ZNF385D: variants seen among roughly 807,000 people sequenced by gnomAD.
The protein encoded by ZNF385D is zinc finger protein 385D.
Under a neutral mutation model 35.8 loss-of-function variants are expected in ZNF385D, and 15 were observed. The ratio of observed to expected loss-of-function variants is 0.42; its 90% CI spans 0.28 to 0.64. The LOEUF (loss-of-function observed/expected upper bound fraction) is 0.64. ZNF385D is among the 30% of genes least tolerant of loss of function. The pLI is 0.23. For missense variants in ZNF385D, 474 were observed against 494.6 expected, an observed-to-expected ratio of 0.96 and a Z score of 0.39; for synonymous variants, 212 against 186.8, an observed-to-expected ratio of 1.13 and a Z score of -1.10.
intron 3 of ZNF385D, among the ~76,000 whole-genome samples, chr3:21,516,940 C>T (rs534971682): frequency 3.3e-5 from 5 of 151,820 alleles, no homozygotes; most frequent in African/African-American, 1.2e-4. Flanking sequence ...AACATTTCAG[C>T]CAACTGAAAT....
intron 3 of ZNF385D, among the ~76,000 whole-genome samples, chr3:22,147,788 T>A (rs1262822280): frequency 6.6e-6 from 1 of 152,164 alleles, no homozygotes. Flanking sequence ...CTACTCATTG[T>A]CCCTAATTTT....
At chr3:21,575,264 C>T (rs1455577204) in intron 2 of ZNF385D, among the ~76,000 whole-genome samples, 6 of 152,244 alleles carry the variant, frequency 3.9e-5, no homozygotes, top group Admixed American at 3.3e-4. Flanking sequence ...AGACCCAGGT[C>T]TGTGCAGGGT....
chr3:21,527,878 C>T (rs1017143000), intron 3 of ZNF385D, among the ~76,000 whole-genome samples: 1 of 152,046 alleles, frequency 6.6e-6, no homozygotes, highest in African/African-American at 2.4e-5. Flanking sequence ...GCACTAAGAG[C>T]GTAAAGATAT....
intron 1 of ZNF385D, among the ~76,000 whole-genome samples, chr3:21,695,372 T>C (rs529589502): frequency 2.2e-4 from 34 of 152,314 alleles, no homozygotes; most frequent in Admixed American, 1.6e-3. Context: ...TGGATGGTAA[T>C]ACTCAAGGGA....
At chr3:21,867,534 T>C (rs1398305445) in intron 3 of ZNF385D, among the ~76,000 whole-genome samples, 4 of 152,178 alleles carry the variant, frequency 2.6e-5, no homozygotes, top group Non-Finnish European at 2.9e-5. Context: ...CATCTGTCTC[T>C]GTCAAGATTG....
At chr3:21,845,164 T>C (rs1164729036) in intron 3 of ZNF385D, among the ~76,000 whole-genome samples, 1 of 152,006 alleles carries the variant, frequency 6.6e-6, no homozygotes, top group Non-Finnish European at 1.5e-5. Context: ...CTTCTACGAA[T>C]GCCAGATTAT....
chr3:21,441,913 G>C (rs1022257546), intron 4 of ZNF385D, among the ~76,000 whole-genome samples: 1 of 152,056 alleles, frequency 6.6e-6, no homozygotes. Flanking sequence ...AGATGGTTTG[G>C]GCTTGCATTT....
At chr3:22,023,755 A>G (rs535214827) in intron 3 of ZNF385D, among the ~76,000 whole-genome samples, 43 of 152,216 alleles carry the variant, frequency 2.8e-4, no homozygotes, top group African/African-American at 1.0e-3. Flanking sequence ...AGTCATGTAG[A>G]TCCTATATTG....
chr3:21,777,927 A>G (rs2071350478), intron 3 of ZNF385D, among the ~76,000 whole-genome samples: 1 of 151,850 alleles, frequency 6.6e-6, no homozygotes, highest in Admixed American at 6.6e-5. Flanking sequence ...AAGAAGCGGA[A>G]TTGTCCAGCT....
chr3:21,570,084 C>G (rs1240463060), intron 2 of ZNF385D, among the ~76,000 whole-genome samples: 1 of 149,616 alleles, frequency 6.7e-6, no homozygotes, highest in Non-Finnish European at 1.5e-5. Context: ...AAAATTACAC[C>G]TTAAAAAAAA....
At chr3:21,686,117 A>C (rs1203936748) in intron 1 of ZNF385D, among the ~76,000 whole-genome samples, 1 of 152,170 alleles carries the variant, frequency 6.6e-6, no homozygotes, top group Non-Finnish European at 1.5e-5. Context: ...GAGAAAAAAG[A>C]AATAGCACAG....
chr3:21,828,123 G>A (rs759711841), intron 3 of ZNF385D, among the ~76,000 whole-genome samples: 27 of 152,116 alleles, frequency 1.8e-4, no homozygotes, highest in Non-Finnish European at 3.5e-4. Context: ...TTAACAAAAT[G>A]TATTTTATGG....
chr3:21,868,272 T>A (rs1457746916), intron 3 of ZNF385D, among the ~76,000 whole-genome samples: 1 of 150,630 alleles, frequency 6.6e-6, no homozygotes, highest in African/African-American at 2.5e-5. Flanking sequence ...GGCTGTGTAC[T>A]AATAAACATA....
intron 3 of ZNF385D, among the ~76,000 whole-genome samples, chr3:22,101,753 T>G (rs539265703): frequency 8.5e-5 from 13 of 152,126 alleles, no homozygotes; most frequent in Admixed American, 4.6e-4. Flanking sequence ...TGCCCATAAA[T>G]TGAAGACCCA....
At chr3:22,332,584 G>A (rs576832987) in intron 2 of ZNF385D, among the ~76,000 whole-genome samples, 1 of 151,440 alleles carries the variant, frequency 6.6e-6, no homozygotes, top group African/African-American at 2.4e-5. Context: ...TGGATAGCAA[G>A]GAAACAAAAA....
intron 3 of ZNF385D, among the ~76,000 whole-genome samples, chr3:21,967,795 G>T (rs974842958): frequency 6.6e-6 from 1 of 152,194 alleles, no homozygotes; most frequent in Non-Finnish European, 1.5e-5. Flanking sequence ...AAAAGAGATT[G>T]GGAGGAAGTT....
chr3:22,244,364 T>TA (rs34497539), intron 2 of ZNF385D, among the ~76,000 whole-genome samples: 1,222 of 62,542 alleles, frequency 0.02, 20 homozygotes, highest in Non-Finnish European at 0.021. Context: ...CAACCGAATG[T>TA]AAAAAAAAAA....
At chr3:22,047,489 T>C (rs920749092) in intron 3 of ZNF385D, among the ~76,000 whole-genome samples, 1 of 152,238 alleles carries the variant, frequency 6.6e-6, no homozygotes, top group Admixed American at 6.5e-5. Context: ...GTACGTAAGA[T>C]CATGTGGTAT....
chr3:22,199,472 G>C (rs1294861937), intron 2 of ZNF385D, among the ~76,000 whole-genome samples: 1 of 152,024 alleles, frequency 6.6e-6, no homozygotes, highest in African/African-American at 2.4e-5. Context: ...GTAATATTAG[G>C]TTCAATGTTT....
Sources: allele counts gnomAD v4.1 joint callset (sites outside exome capture counted in the v4.1 genomes callset), GRCh38; gene constraint gnomAD v4.1.1; transcripts MANE v1.5; gene names NCBI Gene and HGNC (gene_info 2026-07-23, HGNC 2026-07-21).